PUS7: variants seen among roughly 807,000 people sequenced by gnomAD.
PUS7 encodes the protein pseudouridine synthase 7.
Under a neutral mutation model 79.8 loss-of-function variants are expected in PUS7, and 48 were observed. The observed-to-expected ratio is 0.60, with a 90% CI of 0.48 to 0.76. The LOEUF (loss-of-function observed/expected upper bound fraction) is 0.76. Among genes scored for constraint, PUS7 ranks in the 30% least tolerant of loss-of-function variants. PUS7 has a pLI of 0.00. For missense variants in PUS7, 729 were observed against 797.6 expected, an observed-to-expected ratio of 0.91 and a Z score of 1.04; for synonymous variants, 286 against 272.2, an observed-to-expected ratio of 1.05 and a Z score of -0.50.
At chr7:105,464,337 T>A (rs1472498957) in intron 13 of PUS7, among the ~76,000 whole-genome samples, 1 of 152,146 alleles carries the variant, frequency 6.6e-6, no homozygotes, top group African/African-American at 2.4e-5. Flanking sequence ...CAGAGGGAAA[T>A]CCAGGTGGTT....
chr7:105,460,451 GGAGAA>G (rs1823375818), intron 14 of PUS7, among the ~76,000 whole-genome samples: 1 of 152,116 alleles, frequency 6.6e-6, no homozygotes, highest in Admixed American at 6.6e-5. Context: ...TAAGAGAGAT[GGAGAA>G]GAGAAGGAAA....
chr7:105,492,211 T>G (rs2133178905), intron 6 of PUS7, among the ~76,000 whole-genome samples: 1 of 152,220 alleles, frequency 6.6e-6, no homozygotes, highest in African/African-American at 2.4e-5. Flanking sequence ...GAGGCTACAG[T>G]GCGCTATGAT....
At chr7:105,497,857 A>G (rs1194665062) in intron 5 of PUS7, among the ~76,000 whole-genome samples, 4 of 152,256 alleles carry the variant, frequency 2.6e-5, no homozygotes, top group Non-Finnish European at 4.4e-5. Flanking sequence ...ATGGGTACAT[A>G]GGTTCCATAT....
intron 8 of PUS7, 127 bp from the exon 9 acceptor site, chr7:105,481,304 C>A: frequency 1.7e-6 from 1 of 596,266 alleles, no homozygotes. Flanking sequence ...CTCTCTACCT[C>A]CCAAGGGCTC....
chr7:105,459,854 AG>A (rs1823342848), intron 14 of PUS7, among the ~76,000 whole-genome samples: 1 of 152,156 alleles, frequency 6.6e-6, no homozygotes, highest in African/African-American at 2.4e-5. Context: ...GGGATGACTA[AG>A]CCCAGGAGTT....
intron 13 of PUS7, among the ~76,000 whole-genome samples, chr7:105,464,813 C>CTTT (rs71152985): frequency 4.2e-5 from 4 of 95,196 alleles, no homozygotes; most frequent in African/African-American, 1.5e-4. Context: ...CCCCTCTTCC[C>CTTT]TTTTTTTTTT....
intron 1 of PUS7, among the ~76,000 whole-genome samples, chr7:105,512,017 C>T (rs1249184559): frequency 1.3e-5 from 2 of 151,598 alleles, no homozygotes; most frequent in Non-Finnish European, 2.9e-5. Flanking sequence ...TGGTGGCGGG[C>T]GCCTGTAATC....
At chr7:105,514,226 G>A (rs868625804) in intron 1 of PUS7, among the ~76,000 whole-genome samples, 72 of 94,832 alleles carry the variant, frequency 7.6e-4, no homozygotes, top group African/African-American at 3.1e-3. Flanking sequence ...GCAAGACTCC[G>A]TCTCAAAAAA....
At chr7:105,511,622 G>A (rs1038854267) in intron 1 of PUS7, among the ~76,000 whole-genome samples, 2 of 151,114 alleles carry the variant, frequency 1.3e-5, no homozygotes, top group Non-Finnish European at 2.9e-5. Flanking sequence ...TTAGCTGGGT[G>A]TGAGGGCACA....
chr7:105,467,404 CTCAGCT>C (rs1158991306), intron 12 of PUS7, among the ~76,000 whole-genome samples: 2 of 151,686 alleles, frequency 1.3e-5, no homozygotes, highest in African/African-American at 4.8e-5. Flanking sequence ...ATTCTCCTGC[CTCAGCT>C]TCCTGAGTAG....
At chr7:105,501,396 G>GA (rs970225246) in intron 5 of PUS7, among the ~76,000 whole-genome samples, 217 of 148,662 alleles carry the variant, frequency 1.5e-3, no homozygotes, top group African/African-American at 3.2e-3. Context: ...TTTGGTAGGT[G>GA]AAAAAAAAAA....
At chr7:105,496,218 T>TAGAGAGAGAGAGAGAGAGAG (rs1309951962) in intron 5 of PUS7, among the ~76,000 whole-genome samples, 2 of 81,836 alleles carry the variant, frequency 2.4e-5, no homozygotes, top group African/African-American at 5.3e-5. Flanking sequence ...TATATATATA[T>TAGAGAGAGAGAGAGAGAGAG]ATATATATAG....
intron 7 of PUS7, among the ~76,000 whole-genome samples, chr7:105,486,406 T>C (rs1824552504): frequency 6.6e-6 from 1 of 152,130 alleles, no homozygotes; most frequent in African/African-American, 2.4e-5. Flanking sequence ...TTCTTCCTTT[T>C]TTAGAGACAA....
intron 11 of PUS7, 47 bp from the exon 12 acceptor site, chr7:105,468,510 A>G (rs1823750039): frequency 6.5e-7 from 1 of 1,530,846 alleles, no homozygotes; most frequent in African/African-American, 1.4e-5. Flanking sequence ...TCTAAATATA[A>G]AAAGTGCTGT....
intron 1 of PUS7, among the ~76,000 whole-genome samples, chr7:105,513,152 T>G (rs1408150059): frequency 1.3e-5 from 2 of 152,164 alleles, no homozygotes; most frequent in East Asian, 3.8e-4. Flanking sequence ...ACACATGCCC[T>G]TACCAAAAAC....
At chr7:105,509,846 A>T (rs1003764480) in intron 1 of PUS7, among the ~76,000 whole-genome samples, 2 of 152,146 alleles carry the variant, frequency 1.3e-5, no homozygotes, top group African/African-American at 4.8e-5. Flanking sequence ...AACAATATGT[A>T]GCAACATTGA....
intron 10 of PUS7, among the ~76,000 whole-genome samples, chr7:105,471,477 A>G (rs1823870382): frequency 6.6e-6 from 1 of 152,230 alleles, no homozygotes; most frequent in Admixed American, 6.5e-5. Flanking sequence ...TTTAAAATAT[A>G]TTTATATTGA....
chr7:105,518,056 GAGAATCGCTTGAACTGGGGAGACAGA>G (rs1825961875), intron 1 of PUS7, among the ~76,000 whole-genome samples: 1 of 151,956 alleles, frequency 6.6e-6, no homozygotes. Flanking sequence ...GCTGAGACAG[GAGAATCGCTTGAACTGGGGAGACAGA>G]AGTCGCAGTG....
intron 9 of PUS7, among the ~76,000 whole-genome samples, chr7:105,472,830 T>C (rs750111076): frequency 6.6e-6 from 1 of 151,910 alleles, no homozygotes; most frequent in African/African-American, 2.4e-5. Flanking sequence ...CTCGGCTCAC[T>C]GCAACCTCTG....
Sources: gnomAD v4.1 joint callset for allele counts (sites outside exome capture counted in the v4.1 genomes callset) on GRCh38, gnomAD v4.1.1 for gene constraint, MANE v1.5 for transcripts, NCBI Gene and HGNC (gene_info 2026-07-23, HGNC 2026-07-21) for gene names.